SLC2A9: variants seen among roughly 807,000 people sequenced by gnomAD.
The protein encoded by SLC2A9 is solute carrier family 2, facilitated glucose transporter member 9.
SLC2A9 carries 39 observed loss-of-function variants against 50.6 expected under a neutral mutation model. That is an observed-to-expected ratio of 0.77 (90% CI 0.60 to 1.01). SLC2A9 has a LOEUF of 1.01. Ranked by LOEUF, SLC2A9 falls within the 50% of genes least tolerant of loss-of-function variation. The pLI is 0.00. For missense variants in SLC2A9, 686 were observed against 677.6 expected, an observed-to-expected ratio of 1.01 and a Z score of -0.14; for synonymous variants, 324 against 276.9, an observed-to-expected ratio of 1.17 and a Z score of -1.69.
At chr4:9,968,675 A>G (rs1008229606) in intron 5 of SLC2A9, among the ~76,000 whole-genome samples, 1 of 152,208 alleles carries the variant, frequency 6.6e-6, no homozygotes, top group African/African-American at 2.4e-5. Context: ...TTGGATATAC[A>G]TTCTGAATAC....
intron 10 of SLC2A9, among the ~76,000 whole-genome samples, chr4:9,856,346 C>T (rs1033517391): frequency 6.6e-6 from 1 of 152,052 alleles, no homozygotes; most frequent in African/African-American, 2.4e-5. Flanking sequence ...TACACGCAAC[C>T]AACAATAATA....
Position 9,996,928 on chromosome 4 carries a change from A to C in SLC2A9, c.263T>G (p.Phe88Cys). 3 of 1,614,048 alleles carry C rather than the reference A, an allele frequency of 1.9e-6. No individual in the cohort carries two copies. Among genetic ancestry groups the C allele is most frequent in the Non-Finnish European group, 2.5e-6 (3 of 1,179,952 alleles). ...CCTTCTTTCCCATGACTCATTGTAA[A>C]AGGCCTTGATGTACTGAAAATAAAC... ...VNAPTPYIKA[F>C]YNESWERRHG... The change falls in exon 3 of 12, where the codon TTT becomes TGT. Residue 88 changes from phenylalanine (F) to cysteine (C), a missense_variant. Coordinates refer to ENST00000264784, the MANE Select transcript of SLC2A9 (RefSeq NM_020041.3).
At chr4:9,873,415 G>A (rs1002749371) in intron 10 of SLC2A9, among the ~76,000 whole-genome samples, 1 of 152,226 alleles carries the variant, frequency 6.6e-6, no homozygotes, top group Non-Finnish European at 1.5e-5. Context: ...CCCCTCCAAT[G>A]GGAGGGAAAG....
intron 3 of SLC2A9, among the ~76,000 whole-genome samples, chr4:9,791,163 T>A (rs943865809): frequency 2.6e-5 from 4 of 152,234 alleles, no homozygotes; most frequent in African/African-American, 9.6e-5. Context: ...GATTCTCAGA[T>A]TCCTTGTTGG....
At chr4:10,029,269 A>C (rs1763853370) in intron 1 of SLC2A9, 1 of 152,174 alleles carries the variant, frequency 6.6e-6, no homozygotes, top group South Asian at 2.1e-4. Flanking sequence ...CATTTAATGG[A>C]TCTGAGATGG....
chr4:9,785,370 A>G (rs1453490597), intron 3 of SLC2A9, among the ~76,000 whole-genome samples: 1 of 152,234 alleles, frequency 6.6e-6, no homozygotes, highest in African/African-American at 2.4e-5. Context: ...TCTCCTGTGC[A>G]TGATGCATCC....
chr4:9,954,382 G>A (rs1750836278), intron 5 of SLC2A9, among the ~76,000 whole-genome samples: 1 of 152,264 alleles, frequency 6.6e-6, no homozygotes, highest in Non-Finnish European at 1.5e-5. Context: ...TGGGCAGGAA[G>A]GGGCAACCCT....
intron 3 of SLC2A9, among the ~76,000 whole-genome samples, chr4:9,792,159 G>GTTTTTTTT (rs1228816556): frequency 3.2e-5 from 3 of 94,602 alleles, no homozygotes; most frequent in African/African-American, 1.1e-4. Flanking sequence ...TCTATTCTAT[G>GTTTTTTTT]TTTCTTTTTT....
rs373139101 is a variant in SLC2A9 at position 9,829,146 on chromosome 4, G to A, written c.1420-2546C>T. On this transcript the variant is annotated intron_variant, in intron 11 of 11. Transcript: ENST00000264784. ...CAGCCGAGCACAGTAGCTCACACCT[G>A]TAATCCCAGCACTTTGGGAGGCTGA... Among the ~76,000 whole-genome samples the A allele has an allele frequency of 1.3e-4, 20 of 152,280 alleles. No individual in the cohort carries two copies. The South Asian group carries it at 3.9e-3, about 30-fold the overall frequency.
chr4:9,860,315 C>A (rs893141584), intron 10 of SLC2A9, among the ~76,000 whole-genome samples: 1 of 152,218 alleles, frequency 6.6e-6, no homozygotes, highest in Non-Finnish European at 1.5e-5. Context: ...GGCACAGCCT[C>A]CTGCACACAG....
chr4:9,980,776 T>C, intron 4 of SLC2A9, 39 bp from the exon 5 acceptor site: 3 of 1,613,976 alleles, frequency 1.9e-6, no homozygotes, highest in Non-Finnish European at 2.5e-6. Flanking sequence ...GAGAGGTGTC[T>C]TCCCGGGGGA....
chr4:9,841,551 C>T, intron 10 of SLC2A9, among the ~76,000 whole-genome samples: 1 of 152,080 alleles, frequency 6.6e-6, no homozygotes, highest in Non-Finnish European at 1.5e-5. Context: ...TCTAGTTTAT[C>T]TTGGCTTTCA....
intron 10 of SLC2A9, among the ~76,000 whole-genome samples, chr4:9,846,589 G>A (rs1247725354): frequency 6.6e-6 from 1 of 152,122 alleles, no homozygotes; most frequent in East Asian, 1.9e-4. Context: ...CAGTTTCCTT[G>A]CCTATAATCT....
At chr4:9,776,935 T>G (rs1717648735), downstream of SLC2A9, among the ~76,000 whole-genome samples, 1 of 152,106 alleles carries the variant, frequency 6.6e-6, no homozygotes, top group Non-Finnish European at 1.5e-5. Context: ...TCCTGACCCT[T>G]TTACCTCTTT....
chr4:9,835,585 T>C (rs1260123384), intron 10 of SLC2A9, among the ~76,000 whole-genome samples: 1 of 152,256 alleles, frequency 6.6e-6, no homozygotes, highest in Non-Finnish European at 1.5e-5. Context: ...GAGGCATTCA[T>C]TGTGTCAACA....
At chr4:9,990,634 G>A (rs976665301) in intron 3 of SLC2A9, among the ~76,000 whole-genome samples, 2 of 152,034 alleles carry the variant, frequency 1.3e-5, no homozygotes, top group Non-Finnish European at 2.9e-5. Context: ...ATACCAAAGG[G>A]GTTGTGTCCA....
intron 2 of SLC2A9, among the ~76,000 whole-genome samples, chr4:10,014,304 C>G (rs1408324094): frequency 1.3e-5 from 2 of 152,170 alleles, no homozygotes; most frequent in Non-Finnish European, 2.9e-5. Flanking sequence ...ACAAGGGGCT[C>G]GACACCAGCC....
chr4:9,869,285 T>G (rs1405366922), intron 10 of SLC2A9, among the ~76,000 whole-genome samples: 2 of 152,222 alleles, frequency 1.3e-5, no homozygotes, highest in Admixed American at 1.3e-4. Flanking sequence ...AATTCTCACA[T>G]GCAAACCTGG....
At chr4:10,004,811 C>T (rs1204414096) in intron 2 of SLC2A9, among the ~76,000 whole-genome samples, 3 of 152,158 alleles carry the variant, frequency 2.0e-5, no homozygotes, top group African/African-American at 7.2e-5. Flanking sequence ...GAGATATAAA[C>T]CTTTACCTAG....
Sources: gnomAD v4.1 joint callset for allele counts (sites outside exome capture counted in the v4.1 genomes callset) on GRCh38, gnomAD v4.1.1 for gene constraint, MANE v1.5 for transcripts, NCBI Gene and HGNC (gene_info 2026-07-23, HGNC 2026-07-21) for gene names.